The following TDRD12 variants were observed in gnomAD, a reference collection of about 807,000 sequenced individuals.
The protein encoded by TDRD12 is tudor domain containing 12, also known as putative ATP-dependent RNA helicase TDRD12.
Under a neutral mutation model 133.5 loss-of-function variants are expected in TDRD12, and 158 were observed. The observed-to-expected ratio is 1.18, with a 90% CI of 1.04 to 1.35. The LOEUF is 1.35. Ranked by LOEUF, TDRD12 falls within the 40% of genes most tolerant of loss-of-function variation. TDRD12 has a pLI of 0.00. For missense variants in TDRD12, 1,443 were observed against 1,321.3 expected, an observed-to-expected ratio of 1.09 and a Z score of -1.43; for synonymous variants, 460 against 477.9, an observed-to-expected ratio of 0.96 and a Z score of 0.49.
chr19:32,756,668 G>A (rs768067167), intron 7 of TDRD12, among the ~76,000 whole-genome samples: 20 of 152,240 alleles, frequency 1.3e-4, no homozygotes, highest in African/African-American at 3.1e-4. Flanking sequence ...GATTACAGGC[G>A]TGACACCGCG....
At chr19:32,772,942 T>C (rs1340724523) in intron 9 of TDRD12, 92 bp downstream of exon 9, 9 of 637,312 alleles carry the variant, frequency 1.4e-5, no homozygotes, top group Non-Finnish European at 1.9e-5. Flanking sequence ...ACCAAAAATA[T>C]GTTTTCTATT....
intron 13 of TDRD12, among the ~76,000 whole-genome samples, chr19:32,791,639 G>C (rs1227948415): frequency 6.6e-6 from 1 of 152,110 alleles, no homozygotes; most frequent in Non-Finnish European, 1.5e-5. Context: ...AGTGCTTTGC[G>C]AGCGAGGGGA....
At chr19:32,726,442 G>C (rs1206959251) in intron 1 of TDRD12, among the ~76,000 whole-genome samples, 2 of 152,026 alleles carry the variant, frequency 1.3e-5, no homozygotes, top group African/African-American at 2.4e-5. Flanking sequence ...TTTTCCTTTT[G>C]CAAAACTGAA....
chr19:32,769,358 T>C (rs1050610400), intron 8 of TDRD12, among the ~76,000 whole-genome samples: 12 of 152,152 alleles, frequency 7.9e-5, no homozygotes, highest in Admixed American at 1.3e-4. Context: ...TATTTTGTAT[T>C]TGTGGAGCTG....
intron 22 of TDRD12, among the ~76,000 whole-genome samples, chr19:32,808,438 C>T (rs934834459): frequency 1.4e-4 from 21 of 152,302 alleles, no homozygotes; most frequent in African/African-American, 4.6e-4. Context: ...GCTCGCCTGG[C>T]GTCCTTGCAT....
chr19:32,821,378 G>GTGTGTA, downstream of TDRD12: 1 of 254,262 alleles, frequency 3.9e-6, no homozygotes, highest in Non-Finnish European at 6.7e-6. Context: ...GAGTGTGTGT[G>GTGTGTA]TGTGTGTGTG....
exon 10 of TDRD12, chr19:32,829,353 T>C (rs1275122166): frequency 6.6e-6 from 1 of 152,262 alleles, no homozygotes; most frequent in Non-Finnish European, 1.5e-5. Context: ...AATGTTCTAA[T>C]ATCTGAAGCT....
intron 3 of TDRD12, among the ~76,000 whole-genome samples, chr19:32,741,196 C>T (rs1036382381): frequency 6.6e-6 from 1 of 152,232 alleles, no homozygotes; most frequent in African/African-American, 2.4e-5. Flanking sequence ...ATTCTCCTGC[C>T]TCAGTCTCCC....
chr19:32,776,170 C>T (rs1292473397), intron 10 of TDRD12, among the ~76,000 whole-genome samples: 1 of 152,204 alleles, frequency 6.6e-6, no homozygotes, highest in Non-Finnish European at 1.5e-5. Context: ...GGGCCTCCTT[C>T]CCCGTATTCC....
chr19:32,735,031 T>G (rs986477601), intron 2 of TDRD12, among the ~76,000 whole-genome samples: 1 of 152,168 alleles, frequency 6.6e-6, no homozygotes, highest in Non-Finnish European at 1.5e-5. Context: ...GGCCTTCCTG[T>G]TCACTGACAC....
intron 2 of TDRD12, among the ~76,000 whole-genome samples, chr19:32,738,149 A>G (rs535696068): frequency 1.3e-5 from 2 of 151,830 alleles, no homozygotes; most frequent in African/African-American, 4.8e-5. Context: ...AAAAAAATAA[A>G]GAGTCATGGG....
At chr19:32,727,507 G>T (rs1164237517) in intron 1 of TDRD12, among the ~76,000 whole-genome samples, 3 of 152,020 alleles carry the variant, frequency 2.0e-5, no homozygotes, top group Non-Finnish European at 2.9e-5. Context: ...TTTGTTGCCT[G>T]TGGCTTTGGT....
At chr19:32,755,366 A>G (rs745754494) in intron 6 of TDRD12, among the ~76,000 whole-genome samples, 6 of 152,222 alleles carry the variant, frequency 3.9e-5, no homozygotes, top group Non-Finnish European at 7.3e-5. Flanking sequence ...TGAGAGTTCT[A>G]GTTCCTCCAT....
rs1454597833 is a variant in TDRD12, at chr19:32,798,356, G to A, written c.1679G>A (p.Cys560Tyr). 6.5e-6 allele frequency: 10 copies of A among 1,535,674 alleles called. No homozygotes were observed. The African/African-American group carries it at 6.8e-5, about 11-fold the overall frequency. The change falls in exon 16 of 28, where the codon TGT becomes TAT. Residue 560 changes from cysteine (C) to tyrosine (Y), a missense_variant. Transcript: ENST00000444215. ...TACAGCCTGCTGAGGCTTCTCGCCT[G>A]TCAGAGCCTGCTGTTCCTCAGGCTC...
intron 13 of TDRD12, among the ~76,000 whole-genome samples, chr19:32,794,090 GGCTTTT>G: frequency 8.3e-6 from 1 of 120,476 alleles, no homozygotes; most frequent in Non-Finnish European, 1.6e-5. Context: ...CACTGTGCCT[GGCTTTT>G]TTTTTTTTTT....
intron 24 of TDRD12, 106 bp downstream of exon 24, chr19:32,811,526 A>G (rs1224908085): frequency 1.1e-5 from 12 of 1,106,450 alleles, no homozygotes; most frequent in Non-Finnish European, 1.4e-5. Context: ...ACGTTTGGGC[A>G]GGGAAAGTGC....
chr19:32,768,589 T>C (rs1335744962), intron 8 of TDRD12, among the ~76,000 whole-genome samples: 1 of 152,032 alleles, frequency 6.6e-6, no homozygotes, highest in Non-Finnish European at 1.5e-5. Flanking sequence ...GGTCTCAAAC[T>C]CCTGACCTCA....
rs1386073128 is a variant in TDRD12, at chr19:32,747,060, CTGTG to C, written c.441-1409_441-1406del. ...GGAGAGACTGGCTGAGGTGGTTATT[CTGTG>C]TGTGTGAGAGAGGGAGAGTGACTGG... On this transcript the variant is annotated intron_variant, in intron 4 of 27. Transcript: ENST00000444215. 1.3e-4 allele frequency among the ~76,000 whole-genome samples: 18 copies of C among 134,542 alleles called. 1 individual carries two copies. The highest frequency in any genetic ancestry group is 7.8e-5 in the Non-Finnish European group (5 of 63,984). The allele number at this position is 134,542 out of a possible 152,430, so 88.3% of individuals were successfully genotyped here. A position where few individuals can be genotyped will look rare whatever the true frequency, so the allele number is the denominator to read the frequency against.
At chr19:32,762,681 C>T (rs897118542) in intron 8 of TDRD12, among the ~76,000 whole-genome samples, 6 of 152,108 alleles carry the variant, frequency 3.9e-5, no homozygotes, top group Non-Finnish European at 8.8e-5. Flanking sequence ...TCCTCTGGCC[C>T]CTCGACTCTG....
Sources: allele counts gnomAD v4.1 joint callset (sites outside exome capture counted in the v4.1 genomes callset), GRCh38; gene constraint gnomAD v4.1.1; transcripts MANE v1.5; gene names NCBI Gene and HGNC (gene_info 2026-07-23, HGNC 2026-07-21).